TRAPPC9: variants seen among roughly 807,000 people sequenced by gnomAD.
TRAPPC9 encodes the protein IKK2 binding protein.
In TRAPPC9, 83 loss-of-function variants were observed where a neutral mutation model predicts 124.0. That is an observed-to-expected ratio of 0.67 (90% CI 0.56 to 0.80). TRAPPC9 has a LOEUF of 0.80. Ranked by LOEUF, TRAPPC9 falls within the 30% of genes least tolerant of loss-of-function variation. TRAPPC9 has a pLI of 0.00. For synonymous variants in TRAPPC9, 638 were observed against 617.5 expected, an observed-to-expected ratio of 1.03 and a Z score of -0.49; for missense variants, 1,302 against 1,508.3, an observed-to-expected ratio of 0.86 and a Z score of 2.27.
At chr8:140,046,605 C>T (rs1325245022) in intron 17 of TRAPPC9, among the ~76,000 whole-genome samples, 1 of 152,238 alleles carries the variant, frequency 6.6e-6, no homozygotes, top group African/African-American at 2.4e-5. Context: ...GGATGCCTAT[C>T]TTACAGGCTT....
At chr8:140,396,421 G>A (rs1038852847) in intron 7 of TRAPPC9, among the ~76,000 whole-genome samples, 10 of 151,956 alleles carry the variant, frequency 6.6e-5, no homozygotes, top group South Asian at 4.2e-4. Context: ...GATTACAGGC[G>A]TGAGCCACTG....
rs115961738 is a variant in TRAPPC9, at chr8:139,948,750, C to G, written c.2811-38450G>C. On this transcript the variant is annotated intron_variant, in intron 19 of 22. Transcript: ENST00000438773. Reference sequence around the variant, plus strand: ...CAGCCTTTCCCATTATCAGGGTGAGCCTGTCAACCAAGCCTGCTCACCGAA... The same window carrying G: ...CAGCCTTTCCCATTATCAGGGTGAGGCTGTCAACCAAGCCTGCTCACCGAA... 7.0e-3 allele frequency among the ~76,000 whole-genome samples: 1,068 copies of G among 152,272 alleles called. 17 individuals carry two copies. Among genetic ancestry groups the G allele is most frequent in the African/African-American group, 0.025 (1,030 of 41,548 alleles).
At chr8:140,058,569 C>T (rs561193115) in intron 17 of TRAPPC9, among the ~76,000 whole-genome samples, 1 of 152,314 alleles carries the variant, frequency 6.6e-6, no homozygotes, top group African/African-American at 2.4e-5. Context: ...TCTCGCAATA[C>T]AGGACAAGGA....
intron 16 of TRAPPC9, among the ~76,000 whole-genome samples, chr8:140,249,890 G>A (rs557656751): frequency 6.6e-6 from 1 of 152,236 alleles, no homozygotes; most frequent in Admixed American, 6.5e-5. Flanking sequence ...TTACAGGCGT[G>A]AGCCACCGTG....
intron 18 of TRAPPC9, chr8:140,008,429 T>C (rs1838901209): frequency 6.6e-6 from 1 of 152,330 alleles, no homozygotes; most frequent in Non-Finnish European, 1.5e-5. Context: ...TGGGCTGTTT[T>C]CTCTGCAACT....
chr8:140,173,855 G>A (rs1006972139), intron 17 of TRAPPC9, among the ~76,000 whole-genome samples: 1 of 152,290 alleles, frequency 6.6e-6, no homozygotes, highest in South Asian at 2.1e-4. Flanking sequence ...CTTCAGTCTT[G>A]GCTCCACCTG....
chr8:140,422,935 C>T (rs2070273703), intron 5 of TRAPPC9, among the ~76,000 whole-genome samples: 2 of 152,090 alleles, frequency 1.3e-5, no homozygotes, highest in African/African-American at 4.8e-5. Context: ...TACAATGAGA[C>T]ACCAGGTCAC....
chr8:140,351,895 G>T (rs1186776138), intron 9 of TRAPPC9, among the ~76,000 whole-genome samples: 1 of 152,082 alleles, frequency 6.6e-6, no homozygotes, highest in East Asian at 1.9e-4. Flanking sequence ...AATTCACATA[G>T]CAGTTGGCCC....
intron 19 of TRAPPC9, among the ~76,000 whole-genome samples, chr8:139,978,488 G>A (rs1409340179): frequency 6.6e-6 from 1 of 152,204 alleles, no homozygotes; most frequent in Non-Finnish European, 1.5e-5. Context: ...ATATGAAAAT[G>A]TTTACAGATG....
intron 20 of TRAPPC9, among the ~76,000 whole-genome samples, chr8:139,886,902 G>C (rs1158034342): frequency 6.6e-6 from 1 of 152,202 alleles, no homozygotes; most frequent in Non-Finnish European, 1.5e-5. Context: ...TGGGAACAAA[G>C]CTCCTGCAGT....
At chr8:139,737,528 C>G (rs969446033) in intron 21 of TRAPPC9, among the ~76,000 whole-genome samples, 3 of 123,656 alleles carry the variant, frequency 2.4e-5, no homozygotes, top group Middle Eastern at 6.5e-3. Flanking sequence ...CAGTTTTCTC[C>G]CACTGTTCTC....
intron 21 of TRAPPC9, among the ~76,000 whole-genome samples, chr8:139,869,415 C>A (rs1429782459): frequency 6.6e-6 from 1 of 152,344 alleles, no homozygotes; most frequent in Non-Finnish European, 1.5e-5. Flanking sequence ...CACAGGCCAT[C>A]AGCATTCACA....
intron 14 of TRAPPC9, among the ~76,000 whole-genome samples, chr8:140,279,379 G>C: frequency 6.6e-6 from 1 of 152,154 alleles, no homozygotes; most frequent in Non-Finnish European, 1.5e-5. Context: ...TAAATTTAAT[G>C]AATCAGTCAC....
chr8:140,458,083 A>AG (rs1343052907), upstream of TRAPPC9, among the ~76,000 whole-genome samples: 1 of 50,710 alleles, frequency 2.0e-5, no homozygotes, highest in Non-Finnish European at 3.7e-5. Context: ...GGACAGGGAG[A>AG]GGGTGGAGGA....
intron 17 of TRAPPC9, among the ~76,000 whole-genome samples, chr8:140,122,275 G>T (rs768028692): frequency 6.6e-6 from 1 of 152,136 alleles, no homozygotes; most frequent in Non-Finnish European, 1.5e-5. Flanking sequence ...CCCCAGTTGG[G>T]CCTCAGATGA....
At chr8:140,412,301 C>T (rs1419441898) in intron 5 of TRAPPC9, among the ~76,000 whole-genome samples, 1 of 152,134 alleles carries the variant, frequency 6.6e-6, no homozygotes, top group Admixed American at 6.6e-5. Context: ...AAATAAATGG[C>T]CTGCATTCTT....
At chr8:140,253,241 T>G (rs1016967637) in intron 15 of TRAPPC9, among the ~76,000 whole-genome samples, 2 of 152,152 alleles carry the variant, frequency 1.3e-5, no homozygotes, top group African/African-American at 4.8e-5. Flanking sequence ...GTTTTGCTCT[T>G]ATAAACTAAA....
At chr8:139,970,673 T>C (rs929254673) in intron 19 of TRAPPC9, among the ~76,000 whole-genome samples, 12 of 152,168 alleles carry the variant, frequency 7.9e-5, no homozygotes, top group African/African-American at 2.7e-4. Context: ...GCTCTACTTC[T>C]ACCTCCTCAT....
At chr8:139,851,173 T>A (rs1827421964) in intron 21 of TRAPPC9, among the ~76,000 whole-genome samples, 1 of 152,194 alleles carries the variant, frequency 6.6e-6, no homozygotes, top group Non-Finnish European at 1.5e-5. Context: ...GACAGCGATA[T>A]GAACCACTGC....
Sources: gnomAD v4.1 joint callset for allele counts (sites outside exome capture counted in the v4.1 genomes callset) on GRCh38, gnomAD v4.1.1 for gene constraint, MANE v1.5 for transcripts, NCBI Gene and HGNC (gene_info 2026-07-23, HGNC 2026-07-21) for gene names.